MAGI2: variants seen among roughly 807,000 people sequenced by gnomAD.
The protein encoded by MAGI2 is membrane associated guanylate kinase, WW and PDZ domain containing 2, also known as membrane-associated guanylate kinase, WW and PDZ domain-containing protein 2.
A neutral mutation model predicts 133.3 loss-of-function variants in MAGI2; 35 were observed. The observed-to-expected ratio is 0.26, with a 90% confidence interval of 0.20 to 0.35. The LOEUF is 0.35. Ranked by LOEUF, MAGI2 falls within the 10% of genes least tolerant of loss-of-function variation. The pLI is 1.00. For missense variants in MAGI2, 1,636 were observed against 1,863.4 expected, an observed-to-expected ratio of 0.88 and a Z score of 2.25; for synonymous variants, 729 against 710.6, an observed-to-expected ratio of 1.03 and a Z score of -0.41.
intron 9 of MAGI2, among the ~76,000 whole-genome samples, chr7:78,330,212 GA>G (rs1789022539): frequency 6.6e-6 from 1 of 152,130 alleles, no homozygotes; most frequent in Non-Finnish European, 1.5e-5. Context: ...ACTAGACTAA[GA>G]AAAGCTTTAA....
chr7:79,369,759 G>A (rs186369271), intron 1 of MAGI2, among the ~76,000 whole-genome samples: 50 of 152,164 alleles, frequency 3.3e-4, no homozygotes, highest in African/African-American at 1.1e-3. Flanking sequence ...CTTTTCAGGT[G>A]TTTGTAAAAT....
At chr7:78,955,353 G>C (rs1802210793) in intron 2 of MAGI2, among the ~76,000 whole-genome samples, 2 of 151,926 alleles carry the variant, frequency 1.3e-5, no homozygotes, top group African/African-American at 4.8e-5. Context: ...TAAGTACATT[G>C]CATACATGCA....
intron 1 of MAGI2, among the ~76,000 whole-genome samples, chr7:79,426,738 C>T (rs1487994110): frequency 6.6e-6 from 1 of 152,114 alleles, no homozygotes; most frequent in Admixed American, 6.6e-5. Context: ...TTAAAATTTG[C>T]TCTTTGCAAA....
At chr7:78,272,652 A>G (rs1480167887) in intron 9 of MAGI2, among the ~76,000 whole-genome samples, 2 of 152,204 alleles carry the variant, frequency 1.3e-5, no homozygotes, top group African/African-American at 4.8e-5. Flanking sequence ...TATTTAGGAC[A>G]GTTAGCTCTT....
intron 9 of MAGI2, among the ~76,000 whole-genome samples, chr7:78,308,440 G>T (rs548687748): frequency 6.7e-4 from 102 of 152,236 alleles, no homozygotes; most frequent in African/African-American, 2.4e-3. Context: ...AAATTAAAAG[G>T]CTTCTTATTT....
At chr7:79,072,516 A>G (rs2117170546) in intron 1 of MAGI2, among the ~76,000 whole-genome samples, 1 of 152,298 alleles carries the variant, frequency 6.6e-6, no homozygotes, top group South Asian at 2.1e-4. Context: ...TCTGGTAGGA[A>G]GACTACTATG....
intron 15 of MAGI2, among the ~76,000 whole-genome samples, chr7:78,166,151 G>A (rs1825603673): frequency 6.6e-6 from 1 of 152,158 alleles, no homozygotes; most frequent in African/African-American, 2.4e-5. Flanking sequence ...CAAATTGCAG[G>A]AATACATTTT....
At chr7:78,419,061 A>G (rs2151396100) in intron 6 of MAGI2, among the ~76,000 whole-genome samples, 1 of 152,292 alleles carries the variant, frequency 6.6e-6, no homozygotes, top group South Asian at 2.1e-4. Flanking sequence ...AATATTGATC[A>G]ACCTGAAAAT....
intron 1 of MAGI2, among the ~76,000 whole-genome samples, chr7:79,445,692 A>C (rs2129202015): frequency 6.6e-6 from 1 of 152,344 alleles, no homozygotes; most frequent in Admixed American, 6.5e-5. Context: ...ATGTGGAGAA[A>C]CAGGAACACT....
At chr7:79,397,508 TG>T (rs1304168335) in intron 1 of MAGI2, among the ~76,000 whole-genome samples, 1 of 152,052 alleles carries the variant, frequency 6.6e-6, no homozygotes, top group Non-Finnish European at 1.5e-5. Flanking sequence ...TTGGAGTTAA[TG>T]GGTTACAAAA....
intron 1 of MAGI2, among the ~76,000 whole-genome samples, chr7:79,064,794 C>T (rs1054652550): frequency 1.3e-5 from 2 of 152,020 alleles, no homozygotes; most frequent in African/African-American, 4.8e-5. Context: ...TGGCTAGATT[C>T]GGCTGTTTCA....
At chr7:78,111,580 A>G (rs1046766416) in intron 20 of MAGI2, among the ~76,000 whole-genome samples, 9 of 152,186 alleles carry the variant, frequency 5.9e-5, no homozygotes, top group African/African-American at 1.9e-4. Context: ...TCTCTTCTCT[A>G]ATCAACACCA....
intron 20 of MAGI2, among the ~76,000 whole-genome samples, chr7:78,115,108 C>T (rs1819730149): frequency 6.6e-6 from 1 of 152,122 alleles, no homozygotes; most frequent in Non-Finnish European, 1.5e-5. Flanking sequence ...GAATAAGACT[C>T]CTGGAAGGTA....
rs549400304 is a variant in MAGI2, at chr7:78,208,945, G to A, written c.2048-7752C>T. Among the ~76,000 whole-genome samples, 481 of 151,956 alleles carry A rather than the reference G, an allele frequency of 3.2e-3. 1 individual carries two copies. Among genetic ancestry groups the A allele is most frequent in the African/African-American group, 4.6e-3 (190 of 41,484 alleles). On this transcript the variant is annotated intron_variant, in intron 10 of 21. Transcript: ENST00000354212. ...GAGGTTTTAAGACAGGAACCTGGCCGGGCGCGGTGGCTCACGCCTGTAATC... is the reference window on the plus strand; with the variant it reads ...GAGGTTTTAAGACAGGAACCTGGCCAGGCGCGGTGGCTCACGCCTGTAATC...
intron 18 of MAGI2, among the ~76,000 whole-genome samples, chr7:78,129,880 A>G (rs1288845823): frequency 7.1e-6 from 1 of 141,120 alleles, no homozygotes. Flanking sequence ...GGTTGCGGTG[A>G]GCCGAGATTG....
chr7:78,985,739 A>G (rs1417255954), intron 2 of MAGI2, among the ~76,000 whole-genome samples: 1 of 152,058 alleles, frequency 6.6e-6, no homozygotes, highest in Non-Finnish European at 1.5e-5. Context: ...GCATTAGAGG[A>G]GACCTTCTAT....
intron 1 of MAGI2, among the ~76,000 whole-genome samples, chr7:79,151,939 A>G (rs1464415114): frequency 6.6e-6 from 1 of 152,168 alleles, no homozygotes; most frequent in Non-Finnish European, 1.5e-5. Context: ...ATAGAACATG[A>G]ATCAAAACCT....
At chr7:78,346,279 A>G (rs1790898214) in intron 7 of MAGI2, among the ~76,000 whole-genome samples, 1 of 152,212 alleles carries the variant, frequency 6.6e-6, no homozygotes, top group Admixed American at 6.5e-5. Flanking sequence ...TACATTATGC[A>G]TAATTCAGCC....
chr7:79,123,559 G>A (rs559380645), intron 1 of MAGI2, among the ~76,000 whole-genome samples: 1 of 152,168 alleles, frequency 6.6e-6, no homozygotes, highest in Admixed American at 6.5e-5. Context: ...GCTGAGGCAG[G>A]TGGATCACCT....
Sources: gnomAD v4.1 joint callset for allele counts (sites outside exome capture counted in the v4.1 genomes callset) on GRCh38, gnomAD v4.1.1 for gene constraint, MANE v1.5 for transcripts, NCBI Gene and HGNC (gene_info 2026-07-23, HGNC 2026-07-21) for gene names.